GRM5: variants seen among roughly 807,000 people sequenced by gnomAD.
The protein encoded by GRM5 is glutamate metabotropic receptor 5, also known as metabotropic glutamate receptor 5.
Under a neutral mutation model 83.1 loss-of-function variants are expected in GRM5, and 19 were observed. The ratio of observed to expected loss-of-function variants is 0.23; its 90% CI spans 0.16 to 0.34. The LOEUF is 0.34. Ranked by LOEUF, GRM5 falls within the 10% of genes least tolerant of loss-of-function variation. The pLI is 1.00. For missense variants in GRM5, 1,160 were observed against 1,588.3 expected (o/e 0.73, Z 4.58); for synonymous variants, 675 against 633.6 (o/e 1.07, Z -0.98).
intron 2 of GRM5, among the ~76,000 whole-genome samples, chr11:89,041,163 C>A (rs1172696591): frequency 6.6e-6 from 1 of 152,168 alleles, no homozygotes; most frequent in Non-Finnish European, 1.5e-5. Flanking sequence ...TGGGTAAATA[C>A]TGAATACCTG....
intron 3 of GRM5, among the ~76,000 whole-genome samples, chr11:88,665,605 G>A (rs996468983): frequency 2.6e-5 from 4 of 152,096 alleles, no homozygotes; most frequent in Non-Finnish European, 5.9e-5. Flanking sequence ...CATTGTACAA[G>A]AAGTGACACA....
chr11:88,750,078 C>A (rs76175782), intron 3 of GRM5, among the ~76,000 whole-genome samples: 9 of 152,082 alleles, frequency 5.9e-5, no homozygotes, highest in Non-Finnish European at 1.2e-4. Flanking sequence ...ATCAAATTCA[C>A]ATATATCAAT....
At chr11:88,762,819 A>C (rs1376795145) in intron 3 of GRM5, among the ~76,000 whole-genome samples, 1 of 152,040 alleles carries the variant, frequency 6.6e-6, no homozygotes, top group African/African-American at 2.4e-5. Context: ...GTACATGTGC[A>C]CCATGGAGTA....
intron 2 of GRM5, among the ~76,000 whole-genome samples, chr11:88,990,494 C>G (rs1439341487): frequency 3.4e-5 from 5 of 148,910 alleles, no homozygotes; most frequent in Non-Finnish European, 7.5e-5. Context: ...AAGAGGGAAT[C>G]CTCCCTAACT....
chr11:88,522,409 G>A (rs187487485), intron 9 of GRM5, among the ~76,000 whole-genome samples: 50 of 151,988 alleles, frequency 3.3e-4, no homozygotes, highest in South Asian at 4.2e-4. Flanking sequence ...ATTTCTCCTG[G>A]ATAAATATGT....
intron 4 of GRM5, among the ~76,000 whole-genome samples, chr11:88,624,675 C>G (rs1416433514): frequency 6.6e-6 from 1 of 152,184 alleles, no homozygotes; most frequent in East Asian, 1.9e-4. Context: ...GAGCAAGACC[C>G]TGTCTGTAAA....
chr11:88,941,493 AGAGGAGGGGAGAGGAGG>A (rs1938100838), intron 2 of GRM5, among the ~76,000 whole-genome samples: 1 of 97,656 alleles, frequency 1.0e-5, no homozygotes, highest in Non-Finnish European at 1.9e-5. Context: ...AGAGGAGGGG[AGAGGAGGGGAGAGGAGG>A]GGAGAGGAGA....
At chr11:88,569,303 T>G (rs1043474725) in intron 7 of GRM5, among the ~76,000 whole-genome samples, 5 of 152,208 alleles carry the variant, frequency 3.3e-5, no homozygotes, top group African/African-American at 9.7e-5. Context: ...ATAGCTTCAC[T>G]GAGTAAGTAG....
intron 4 of GRM5, among the ~76,000 whole-genome samples, chr11:88,633,440 T>G (rs1291209837): frequency 6.6e-6 from 1 of 152,204 alleles, no homozygotes; most frequent in Non-Finnish European, 1.5e-5. Flanking sequence ...CATAAGGTCA[T>G]GAATGGGTTT....
chr11:88,800,800 T>C (rs1211622046), intron 3 of GRM5, among the ~76,000 whole-genome samples: 1 of 152,108 alleles, frequency 6.6e-6, no homozygotes, highest in Admixed American at 6.6e-5. Flanking sequence ...GGAGAAATCA[T>C]ACCTGCTAGG....
At chr11:88,745,562 T>C (rs10734168) in intron 3 of GRM5, among the ~76,000 whole-genome samples, 150,455 of 152,252 alleles carry the variant, frequency 0.99, 74,365 homozygotes, top group East Asian at 1. Context: ...GTTTGGACCT[T>C]GGCCTTGTAG....
At chr11:88,774,992 T>C (rs565148292) in intron 3 of GRM5, among the ~76,000 whole-genome samples, 1 of 152,328 alleles carries the variant, frequency 6.6e-6, no homozygotes, top group East Asian at 1.9e-4. Context: ...TTCCCTCTTT[T>C]TCTATTGATT....
intron 4 of GRM5, among the ~76,000 whole-genome samples, chr11:88,608,514 A>ATTTTTTTT (rs35701224): frequency 4.1e-5 from 4 of 98,644 alleles, no homozygotes; most frequent in African/African-American, 7.4e-5. Flanking sequence ...GAAAACAGGG[A>ATTTTTTTT]TTTTTTTTTT....
intron 4 of GRM5, among the ~76,000 whole-genome samples, chr11:88,625,049 C>A (rs1365638213): frequency 6.6e-6 from 1 of 152,092 alleles, no homozygotes; most frequent in African/African-American, 2.4e-5. Context: ...AATTAAAATG[C>A]CTTATTATTC....
intron 3 of GRM5, among the ~76,000 whole-genome samples, chr11:88,677,702 A>G (rs575413638): frequency 6.6e-6 from 1 of 152,290 alleles, no homozygotes; most frequent in East Asian, 1.9e-4. Context: ...TACATCAATG[A>G]CAAAAATATT....
Position 89,007,088 on chromosome 11 carries a change from C to G in GRM5, c.661+40124G>C, listed in dbSNP as rs1260120464. On this transcript the variant is annotated intron_variant, in intron 2 of 9. Coordinates refer to ENST00000305447, the MANE Select transcript of GRM5 (RefSeq NM_001143831.3). ...CTGGGATTACAGGCGTGAGCCACGG[C>G]GCCCGGCCCAAATCATTTTTAAAAT... Among the ~76,000 whole-genome samples the G allele has an allele frequency of 2.0e-5, 3 of 152,328 alleles. No homozygotes were observed. The East Asian group carries it at 5.8e-4, about 29-fold the overall frequency.
intron 9 of GRM5, among the ~76,000 whole-genome samples, chr11:88,509,947 C>A (rs1335036050): frequency 6.6e-6 from 1 of 152,016 alleles, no homozygotes; most frequent in Non-Finnish European, 1.5e-5. Context: ...CCCAAACTCA[C>A]CAACAATCAT....
chr11:88,980,388 T>C (rs1050397979), intron 2 of GRM5, among the ~76,000 whole-genome samples: 9 of 152,214 alleles, frequency 5.9e-5, no homozygotes, highest in Non-Finnish European at 7.3e-5. Flanking sequence ...GAGAGAACTA[T>C]TGATGTCCTC....
intron 2 of GRM5, among the ~76,000 whole-genome samples, chr11:89,040,151 G>T (rs1396316950): frequency 6.6e-6 from 1 of 151,790 alleles, no homozygotes; most frequent in African/African-American, 2.4e-5. Flanking sequence ...AAAAAAAAAA[G>T]ATGCAAGGAG....
Sources: gnomAD v4.1 joint callset for allele counts (sites outside exome capture counted in the v4.1 genomes callset) on GRCh38, gnomAD v4.1.1 for gene constraint, MANE v1.5 for transcripts, NCBI Gene and HGNC (gene_info 2026-07-23, HGNC 2026-07-21) for gene names.